Variants in CORO7 observed in about 807,000 individuals in gnomAD.
CORO7 encodes the protein coronin 7.
CORO7 carries 107 observed loss-of-function variants against 126.6 expected under a neutral mutation model. The ratio of observed to expected loss-of-function variants is 0.85; its 90% CI spans 0.72 to 0.99. The LOEUF (loss-of-function observed/expected upper bound fraction) is 0.99, where lower values mean the gene tolerates loss of function less well. CORO7 is among the 50% of genes least tolerant of loss of function. The probability of loss-of-function intolerance (pLI) is 0.00; values close to 1 mark genes in which losing one functional copy is unlikely to be tolerated. For synonymous variants in CORO7, 603 were observed against 536.8 expected, an observed-to-expected ratio of 1.12 and a Z score of -1.70; for missense variants, 1,314 against 1,255.8, an observed-to-expected ratio of 1.05 and a Z score of -0.70.
At chr16:4,378,882 AG>A (rs1567269587) in intron 9 of CORO7, among the ~76,000 whole-genome samples, 1 of 151,966 alleles carries the variant, frequency 6.6e-6, no homozygotes, top group Non-Finnish European at 1.5e-5. Flanking sequence ...CTAACTGGCT[AG>A]GGGCTCAGGG....
Position 4,357,952 on chromosome 16 carries a change from C to T in CORO7, c.2593+16G>A, listed in dbSNP as rs773437672. 3.1e-6 allele frequency: 5 copies of T among 1,589,988 alleles called. No individual in the cohort carries two copies. The highest frequency in any genetic ancestry group is 2.2e-5 in the South Asian group (2 of 90,354). The stretch of plus-strand genomic sequence containing the variant: ...CCCCATCCCGCTTCCTCCCCACACC[C>T]AGTCCCTCGGTGCACCTGGGCTCAT... On this transcript the variant is annotated intron_variant, in intron 25 of 27. Coordinates refer to ENST00000251166, the MANE Select transcript of CORO7 (RefSeq NM_024535.5).
intron 9 of CORO7, chr16:4,383,484 A>T (rs1227981298): frequency 1.2e-5 from 2 of 167,084 alleles, no homozygotes; most frequent in Non-Finnish European, 2.9e-5. Flanking sequence ...ACAAACGATG[A>T]TATGAAGGCC....
chr16:4,398,054 C>G (rs2055665497), intron 6 of CORO7, among the ~76,000 whole-genome samples: 1 of 152,198 alleles, frequency 6.6e-6, no homozygotes, highest in South Asian at 2.1e-4. Flanking sequence ...TATGTGGGAC[C>G]ACAGGCACAA....
intron 9 of CORO7, among the ~76,000 whole-genome samples, chr16:4,368,900 GT>G (rs753062903): frequency 2.6e-5 from 4 of 152,208 alleles, no homozygotes; most frequent in African/African-American, 4.8e-5. Flanking sequence ...GTGGAAACAG[GT>G]GCCAGGACAG....
intron 7 of CORO7, 88 bp from the exon 8 acceptor site, chr16:4,388,719 G>T: frequency 7.2e-6 from 10 of 1,384,900 alleles, no homozygotes; most frequent in Non-Finnish European, 9.9e-6. Flanking sequence ...GGGAACTTCT[G>T]CTGCCCACCT....
At chr16:4,357,034 C>T in intron 26 of CORO7, 134 bp downstream of exon 26, 1 of 1,219,096 alleles carries the variant, frequency 8.2e-7, no homozygotes, top group South Asian at 1.3e-5. Context: ...GTCTCCCCAC[C>T]AGGCTCTGGT....
At chr16:4,355,661 G>GAT (rs2053956262) in intron 26 of CORO7, 2 of 360,662 alleles carry the variant, frequency 5.5e-6, no homozygotes, top group Non-Finnish European at 1.0e-5. Context: ...GTAGAGACGG[G>GAT]GGTTTCACCG....
At chr16:4,399,279 G>A (rs768558516) in intron 6 of CORO7, among the ~76,000 whole-genome samples, 6 of 152,160 alleles carry the variant, frequency 3.9e-5, no homozygotes, top group East Asian at 1.9e-4. Flanking sequence ...TGTGGTCTGC[G>A]CATACTATGC....
chr16:4,398,927 C>T (rs528550644), intron 6 of CORO7, among the ~76,000 whole-genome samples: 43 of 148,698 alleles, frequency 2.9e-4, no homozygotes, highest in Non-Finnish European at 8.9e-5. Context: ...GAGATGGCAC[C>T]ATTGCACTCC....
At chr16:4,365,168 A>C in intron 10 of CORO7, 108 bp from the exon 11 acceptor site, 1 of 1,481,120 alleles carries the variant, frequency 6.8e-7, no homozygotes, top group Non-Finnish European at 9.1e-7. Context: ...CCACAGAACC[A>C]CAGTGGCTGG....
At chr16:4,381,021 A>T in intron 9 of CORO7, 1 of 1,610,048 alleles carries the variant, frequency 6.2e-7, no homozygotes, top group South Asian at 1.1e-5. Flanking sequence ...CGGTGCCCCG[A>T]GACGTGCCAC....
chr16:4,373,990 T>C (rs1268865832), intron 9 of CORO7, among the ~76,000 whole-genome samples: 2 of 152,132 alleles, frequency 1.3e-5, no homozygotes, highest in Non-Finnish European at 2.9e-5. Flanking sequence ...GTCCCCTCCC[T>C]GGGCTGGGGA....
chr16:4,395,439 C>G lies in CORO7; in HGVS notation c.565-100G>C, dbSNP rs1341637277. 4 of 1,517,416 alleles carry G rather than the reference C, an allele frequency of 2.6e-6. No homozygotes were observed. The African/African-American group carries it at 4.1e-5, about 15-fold the overall frequency. 94.0% of individuals were successfully genotyped at this position (1,517,416 alleles called of 1,614,324 possible). On this transcript the variant is annotated intron_variant, in intron 6 of 27. Transcript: ENST00000251166. ...CCTCCCAACCCCCAGCTCTGAGCAG[C>G]CCATCCCCAGCACGCAGGGCTGCCA...
At chr16:4,394,352 G>A (rs1055312003) in intron 7 of CORO7, among the ~76,000 whole-genome samples, 9 of 152,064 alleles carry the variant, frequency 5.9e-5, no homozygotes, top group African/African-American at 1.9e-4. Context: ...GGGAGGCTGA[G>A]GTGAGAGAAT....
At chr16:4,388,168 G>T in intron 8 of CORO7, 100 bp from the exon 9 acceptor site, 1 of 1,450,706 alleles carries the variant, frequency 6.9e-7, no homozygotes, top group Non-Finnish European at 9.4e-7. Flanking sequence ...GCCTGACACG[G>T]GGCACCTGCC....
rs2054214457 is a variant in CORO7, at chr16:4,362,565, G to C, written c.1402+47C>G. On this transcript the variant is annotated intron_variant, in intron 15 of 27. Coordinates refer to ENST00000251166, the MANE Select transcript of CORO7 (RefSeq NM_024535.5). This position sits in a 1 kb window ranked among gnomAD's most constrained non-coding sequence, Gnocchi z 5.3. The stretch of plus-strand genomic sequence containing the variant: ...CAGGAGGATGACGGGGAGTGGGGCA[G>C]ACAGGGCTCCTGCGGTAGGGGTGAG... 6.7e-7 allele frequency: 1 copy of C among 1,501,816 alleles called. No individual in the cohort carries two copies. The highest frequency in any genetic ancestry group is 1.4e-5 in the African/African-American group (1 of 70,122). 93.0% of individuals were successfully genotyped at this position (1,501,816 alleles called of 1,614,324 possible).
intron 9 of CORO7, chr16:4,381,856 C>A: frequency 6.2e-7 from 1 of 1,602,578 alleles, no homozygotes; most frequent in Non-Finnish European, 8.5e-7. Context: ...TGAGGAGACG[C>A]GCTGCCACTT....
intron 3 of CORO7, among the ~76,000 whole-genome samples, chr16:4,409,548 T>C (rs951101123): frequency 6.6e-6 from 1 of 152,232 alleles, no homozygotes; most frequent in African/African-American, 2.4e-5. Context: ...CAGGTGGCAC[T>C]GCAGCAGCAT....
At chr16:4,387,878 A>G (rs939781381) in intron 9 of CORO7, 108 bp downstream of exon 9, 3 of 1,412,438 alleles carry the variant, frequency 2.1e-6, no homozygotes, top group East Asian at 5.0e-5. Flanking sequence ...GGTACCCCAG[A>G]ACACCCCGGA....
Sources: allele counts gnomAD v4.1 joint callset (sites outside exome capture counted in the v4.1 genomes callset), GRCh38; gene constraint gnomAD v4.1.1; non-coding constraint Gnocchi (gnomAD v3.1); transcripts MANE v1.5; gene names NCBI Gene and HGNC (gene_info 2026-07-23, HGNC 2026-07-21).